Variants in PABPC5 observed in about 807,000 individuals in gnomAD.
PABPC5 encodes the protein polyadenylate-binding protein 5.
A neutral mutation model predicts 12.6 loss-of-function variants in PABPC5; 6 were observed. The ratio of observed to expected loss-of-function variants is 0.48; its 90% CI spans 0.26 to 0.94. The LOEUF (loss-of-function observed/expected upper bound fraction) is 0.94. Ranked by LOEUF, PABPC5 falls within the 40% of genes least tolerant of loss-of-function variation. PABPC5 has a pLI of 0.14. For missense variants in PABPC5, 244 were observed against 302.8 expected (o/e 0.81, Z 1.44); for synonymous variants, 124 against 118.4 (o/e 1.05, Z -0.31).
At position 91,436,565 on chromosome X, in the gene PABPC5, C is replaced by G; in HGVS notation, c.988C>G (p.Arg330Gly). ...EEFSSFGSIS[R>G]AKVMMEVGQG... Reference sequence around the variant, plus strand: ...ATTTTCTTCCTTTGGGTCAATTAGTCGGGCCAAAGTGATGATGGAAGTGGG... The same window carrying G: ...ATTTTCTTCCTTTGGGTCAATTAGTGGGGCCAAAGTGATGATGGAAGTGGG... Residue 330 changes from arginine (R) to glycine (G), a missense_variant, in exon 2 of 2, where the codon CGG becomes GGG. Physicochemically the swap from Arg to Gly is moderately radical, Grantham distance 125 (BLOSUM62 -2). This residue lies in a region of PABPC5 where 211 missense variants were observed against 261.5 expected (regional missense o/e 0.81). Coordinates refer to ENST00000312600, the MANE Select transcript of PABPC5 (RefSeq NM_080832.3). 8.3e-7 allele frequency: 1 copy of G among 1,211,703 alleles called. No individual in the cohort carries two copies. The highest frequency in any genetic ancestry group is 1.1e-6 in the Non-Finnish European group (1 of 895,497).
In PABPC5 at chrX:91,436,002, A is replaced by G. The variant is rs778464767; in HGVS notation, c.425A>G (p.Asn142Ser). Residue 142 changes from asparagine (N) to serine (S), a missense_variant, in exon 2 of 2, where the codon AAC (asparagine) becomes AGC (serine). Physicochemically the swap from Asn to Ser is conservative, Grantham distance 46. Transcript: ENST00000312600. ...TCCTGCAAAGTCGTATGCGATGACA[A>G]CGGCTCTAAGGGTTATGCCTATGTT... ...ILSCKVVCDDNGSKGYAYVHF... is the reference protein window; with the variant it reads ...ILSCKVVCDDSGSKGYAYVHF... 16 of 1,211,592 alleles carry G rather than the reference A, an allele frequency of 1.3e-5. No individual in the cohort carries two copies. In the Middle Eastern group the frequency reaches 1.1e-3, roughly 87 times the overall value.
rs921534308 is a variant in PABPC5, at chrX:91,435,785, G to A, written c.208G>A (p.Ala70Thr). 2 of 1,209,425 alleles carry A rather than the reference G, an allele frequency of 1.7e-6. No homozygotes were observed. Among genetic ancestry groups the A allele is most frequent in the Admixed American group, 2.2e-5 (1 of 45,771 alleles). Residue 70 changes from alanine to threonine, a missense_variant, in exon 2 of 2, where the codon GCG becomes ACG. Ala to Thr is a moderately conservative substitution (Grantham distance 58). Transcript: ENST00000312600. Reference protein sequence around the residue: ...GYGYVNFRFPADAEWALNTMN... With the variant: ...GYGYVNFRFPTDAEWALNTMN... ...TGGGTATGTTAACTTCCGCTTTCCC[G>A]CGGATGCAGAGTGGGCCTTGAACAC... is the stretch of plus-strand genomic sequence containing the variant.
rs748480305 is a variant in PABPC5 at position 91,435,607 on chromosome X, C to T, written c.30C>T (p.Gly10=). Residue 10 remains glycine, a synonymous_variant, in exon 2 of 2, where the codon GGC becomes GGT. Coordinates refer to ENST00000312600, the MANE Select transcript of PABPC5 (RefSeq NM_080832.3). MGSGEPNPA[G]KKKKYLKAAL... Reference sequence around the variant, plus strand: ...GGAGCGGGGAGCCTAATCCTGCTGGCAAGAAAAAGAAGTATCTCAAGGCCG... The same window carrying T: ...GGAGCGGGGAGCCTAATCCTGCTGGTAAGAAAAAGAAGTATCTCAAGGCCG... 1.6e-5 allele frequency: 19 copies of T among 1,206,981 alleles called. No individual in the cohort carries two copies. The East Asian group carries it at 5.6e-4, about 36-fold the overall frequency.
At position 91,436,844 on chromosome X, in the gene PABPC5, G is replaced by A. The variant is rs1931611822; in HGVS notation, c.*118G>A. 6.3e-6 allele frequency: 4 copies of A among 630,901 alleles called. No homozygotes were observed. The highest frequency in any genetic ancestry group is 4.9e-5 in the Admixed American group (1 of 20,595). 52.0% of individuals were successfully genotyped at this position (630,901 alleles called of 1,213,427 possible). On this transcript the variant is annotated 3_prime_UTR_variant, in exon 2 of 2. Coordinates refer to ENST00000312600, the MANE Select transcript of PABPC5 (RefSeq NM_080832.3). ...GTTTTTTTTTGAAGTGAATTCTTTT[G>A]AAAAAAAAATGCAAAACTAGAAAAC...
Position 91,436,892 on chromosome X carries a change from A to G in PABPC5, c.*166A>G. 1 of 449,328 alleles carries G rather than the reference A, an allele frequency of 2.2e-6. No homozygotes were observed. Among genetic ancestry groups the G allele is most frequent in the Admixed American group, 4.9e-5 (1 of 20,324 alleles). The allele number at this position is 449,328 out of a possible 1,213,427, so 37.0% of individuals were successfully genotyped here. On this transcript the variant is annotated 3_prime_UTR_variant, in exon 2 of 2. Coordinates refer to ENST00000312600, the MANE Select transcript of PABPC5 (RefSeq NM_080832.3). ...AACTTTATTCATTTTAGAATAGAAC[A>G]TAATTTCTAACTGTAAAATTGTCAT... is the stretch of plus-strand genomic sequence containing the variant.
At position 91,436,250 on chromosome X, in the gene PABPC5, A is replaced by T; in HGVS notation, c.673A>T (p.Thr225Ser). Residue 225 changes from threonine to serine, a missense_variant, in exon 2 of 2, where the codon ACT becomes TCT. Physicochemically the swap from Thr to Ser is moderately conservative, Grantham distance 58. Around this residue, in one of 3 missense-constraint regions of PABPC5, gnomAD observed 211 missense variants for 261.5 expected, o/e 0.81. Coordinates refer to ENST00000312600, the MANE Select transcript of PABPC5 (RefSeq NM_080832.3). ...GGAACTTTTCTGTGAATATGGGCCA[A>T]CTGAGAGTGTTAAAGTAATAAGAGA... ...LKELFCEYGP[T>S]ESVKVIRDAS... 1 of 1,211,870 alleles carries T rather than the reference A, an allele frequency of 8.3e-7. No homozygotes were observed. The highest frequency in any genetic ancestry group is 1.1e-6 in the Non-Finnish European group (1 of 895,456).
chrX:91,436,815 A>T lies in PABPC5; in HGVS notation c.*89A>T. ...ATAAGGGGTTATTTTATGCTAATTC[A>T]CAAGTTTTTTTTTGAAGTGAATTCT... On this transcript the variant is annotated 3_prime_UTR_variant, in exon 2 of 2. Coordinates refer to ENST00000312600, the MANE Select transcript of PABPC5 (RefSeq NM_080832.3). 24 of 867,020 alleles carry T rather than the reference A, an allele frequency of 2.8e-5. No homozygotes were observed. Among genetic ancestry groups the T allele is most frequent in the Non-Finnish European group, 3.7e-5 (24 of 650,199 alleles). 71.5% of individuals were successfully genotyped at this position (867,020 alleles called of 1,213,427 possible).
In PABPC5 at chrX:91,436,624, C is replaced by T. The variant is rs776909687; in HGVS notation, c.1047C>T (p.Ser349=). 7.1e-5 allele frequency: 86 copies of T among 1,209,853 alleles called. No homozygotes were observed. The South Asian group carries it at 1.4e-3, about 20-fold the overall frequency. ...QGKGFGVVCF[S]SFEEATKAVD... Reference sequence around the variant, plus strand: ...AAGGATTTGGTGTGGTCTGCTTTTCCTCTTTTGAAGAGGCTACCAAAGCAG... The same window carrying T: ...AAGGATTTGGTGTGGTCTGCTTTTCTTCTTTTGAAGAGGCTACCAAAGCAG... Residue 349 remains serine (S), a synonymous_variant, in exon 2 of 2, where the codon TCC becomes TCT. Transcript: ENST00000312600.
Position 91,436,807 on chromosome X carries a change from G to A in PABPC5, c.*81G>A, listed in dbSNP as rs1255643547. On this transcript the variant is annotated 3_prime_UTR_variant, in exon 2 of 2. Coordinates refer to ENST00000312600, the MANE Select transcript of PABPC5 (RefSeq NM_080832.3). ...CCTTTGTGATAAGGGGTTATTTTAT[G>A]CTAATTCACAAGTTTTTTTTTGAAG... is the stretch of plus-strand genomic sequence containing the variant. The A allele has an allele frequency of 3.4e-6, 3 of 888,239 alleles. No homozygotes were observed. In the Admixed American group the frequency reaches 1.3e-4, roughly 39 times the overall value. 73.2% of individuals were successfully genotyped at this position (888,239 alleles called of 1,213,427 possible).
At position 91,438,314 on chromosome X, in the gene PABPC5, T is replaced by A. The variant is rs959934074; in HGVS notation, c.*1588T>A. 2 of 123,130 alleles carry A rather than the reference T, an allele frequency of 1.6e-5. No individual in the cohort carries two copies. The highest frequency in any genetic ancestry group is 3.8e-5 in the Non-Finnish European group (2 of 53,000). The allele number at this position is 123,130 out of a possible 1,213,427, so 10.1% of individuals were successfully genotyped here. A position where few individuals can be genotyped will look rare whatever the true frequency, so the allele number is the denominator to read the frequency against. Reference sequence around the variant, plus strand: ...ACAGGTTTATCCATTTGCAAATATTTTCAAAATGGAAATCACTGTTTATAT... The same window carrying A: ...ACAGGTTTATCCATTTGCAAATATTATCAAAATGGAAATCACTGTTTATAT... On this transcript the variant is annotated 3_prime_UTR_variant, in exon 2 of 2. Coordinates refer to ENST00000312600, the MANE Select transcript of PABPC5 (RefSeq NM_080832.3).
rs1237455761 is a variant in PABPC5, at chrX:91,438,431, A to C, written c.*1705A>C. ...ACAGTTCAGAAATACCACAATTAAT[A>C]TTTTCAATGTGTAAATATCTTTTCA... On this transcript the variant is annotated 3_prime_UTR_variant, in exon 2 of 2. Transcript: ENST00000312600. 1 of 122,826 alleles carries C rather than the reference A, an allele frequency of 8.1e-6. No homozygotes were observed. The highest frequency in any genetic ancestry group is 1.9e-5 in the Non-Finnish European group (1 of 52,937). The allele number at this position is 122,826 out of a possible 1,213,427, so 10.1% of individuals were successfully genotyped here.
chrX:91,437,429 T>C lies in PABPC5; in HGVS notation c.*703T>C, dbSNP rs1931622081. 8.1e-6 allele frequency: 1 copy of C among 122,899 alleles called. No homozygotes were observed. Among genetic ancestry groups the C allele is most frequent in the Non-Finnish European group, 1.9e-5 (1 of 53,115 alleles). The allele number at this position is 122,899 out of a possible 1,213,427, so 10.1% of individuals were successfully genotyped here. Reference sequence around the variant, plus strand: ...GTGGCTATTTAAAGTAGGAATTGCATCTTAAAAACCTTTCCTAAGAGATTT... The same window carrying C: ...GTGGCTATTTAAAGTAGGAATTGCACCTTAAAAACCTTTCCTAAGAGATTT... On this transcript the variant is annotated 3_prime_UTR_variant, in exon 2 of 2. Coordinates refer to ENST00000312600, the MANE Select transcript of PABPC5 (RefSeq NM_080832.3).
In PABPC5 at chrX:91,436,445, C is replaced by G; in HGVS notation, c.868C>G (p.Arg290Gly). The change falls in exon 2 of 2, where the codon CGG becomes GGG. Residue 290 changes from arginine to glycine, a missense_variant. By Grantham distance (125) the Arg-to-Gly change is moderately radical. Transcript: ENST00000312600. ...RLAELRRRFERLRLKEKSRPP... is the reference protein window; with the variant it reads ...RLAELRRRFEGLRLKEKSRPP... ...GGCTGAGTTGAGGCGGAGATTTGAA[C>G]GGCTGAGGTTAAAAGAAAAAAGTCG... The G allele has an allele frequency of 8.3e-7, 1 of 1,211,299 alleles. No homozygotes were observed. Among genetic ancestry groups the G allele is most frequent in the African/African-American group, 1.7e-5 (1 of 57,640 alleles).
At position 91,436,953 on chromosome X, in the gene PABPC5, T is replaced by G; in HGVS notation, c.*227T>G. 2.7e-6 allele frequency: 1 copy of G among 371,779 alleles called. No homozygotes were observed. The allele number at this position is 371,779 out of a possible 1,213,427, so 30.6% of individuals were successfully genotyped here. A position where few individuals can be genotyped will look rare whatever the true frequency, so the allele number is the denominator to read the frequency against. On this transcript the variant is annotated 3_prime_UTR_variant, in exon 2 of 2. Coordinates refer to ENST00000312600, the MANE Select transcript of PABPC5 (RefSeq NM_080832.3). ...TTTTGATGTAATATCCTTAGAAATC[T>G]GTAGAATAAAGTGTATTCCTCCACT...
chrX:91,436,870 T>C lies in PABPC5; in HGVS notation c.*144T>C. 1 of 524,065 alleles carries C rather than the reference T, an allele frequency of 1.9e-6. No homozygotes were observed. Among genetic ancestry groups the C allele is most frequent in the Non-Finnish European group, 3.0e-6 (1 of 332,691 alleles). The allele number at this position is 524,065 out of a possible 1,213,427, so 43.2% of individuals were successfully genotyped here. On this transcript the variant is annotated 3_prime_UTR_variant, in exon 2 of 2. Transcript: ENST00000312600. Reference sequence around the variant, plus strand: ...AAAAAAAAATGCAAAACTAGAAAACTTTATTCATTTTAGAATAGAACATAA... The same window carrying C: ...AAAAAAAAATGCAAAACTAGAAAACCTTATTCATTTTAGAATAGAACATAA...
rs927841952 is a variant in PABPC5, at chrX:91,435,372, T to C, written c.-143-63T>C. ...AGAATAGATTCGTATTTGGGGCGCC[T>C]TTTTGTCTGATGTGTTTGTTCTGAG... On this transcript the variant is annotated intron_variant, in intron 1 of 1. Transcript: ENST00000312600. 4.8e-5 allele frequency: 17 copies of C among 355,117 alleles called. 1 individual carries two copies. Among genetic ancestry groups the C allele is most frequent in the African/African-American group, 4.5e-4 (17 of 37,950 alleles). 29.3% of individuals were successfully genotyped at this position (355,117 alleles called of 1,213,427 possible).
intron 1 of PABPC5, 40 bp from the exon 2 acceptor site, chrX:91,435,395 G>C (rs192991573): frequency 4.7e-6 from 2 of 425,102 alleles, no homozygotes; most frequent in African/African-American, 5.0e-5. Flanking sequence ...TGTTTGTTCT[G>C]AGCCTGCTGA....
chrX:91,435,528 A>C lies in PABPC5; in HGVS notation c.-50A>C. ...AGCTGTTTGGCCCATAGCTTAGAGA[A>C]AGCAGCCTTTTTTCTCTTCAAAGAG... On this transcript the variant is annotated 5_prime_UTR_variant, in exon 2 of 2. Coordinates refer to ENST00000312600, the MANE Select transcript of PABPC5 (RefSeq NM_080832.3). The C allele has an allele frequency of 6.3e-6, 7 of 1,119,687 alleles. No homozygotes were observed. The highest frequency in any genetic ancestry group is 7.1e-6 in the Non-Finnish European group (6 of 839,826). The allele number at this position is 1,119,687 out of a possible 1,213,427, so 92.3% of individuals were successfully genotyped here.
rs1474632596 is a variant in PABPC5 at position 91,438,161 on chromosome X, T to C, written c.*1435T>C. ...ATCTCTACTGTCAGTTTTATTACCT[T>C]ATATACAAATCTTCATTTTCATACA... is the stretch of plus-strand genomic sequence containing the variant. On this transcript the variant is annotated 3_prime_UTR_variant, in exon 2 of 2. Coordinates refer to ENST00000312600, the MANE Select transcript of PABPC5 (RefSeq NM_080832.3). 1 of 123,116 alleles carries C rather than the reference T, an allele frequency of 8.1e-6. No individual in the cohort carries two copies. Among genetic ancestry groups the C allele is most frequent in the Non-Finnish European group, 1.9e-5 (1 of 53,033 alleles). 10.1% of individuals were successfully genotyped at this position (123,116 alleles called of 1,213,427 possible).
Sources: allele counts gnomAD v4.1 joint callset, GRCh38; gene constraint gnomAD v4.1.1; regional missense constraint gnomAD v4.1.1; transcripts MANE v1.5; gene names NCBI Gene and HGNC (gene_info 2026-07-23, HGNC 2026-07-21).